The following TBC1D22A variants were observed in gnomAD, a reference collection of about 807,000 sequenced individuals.
The protein encoded by TBC1D22A is TBC1 domain family member 22A.
A neutral mutation model predicts 60.2 loss-of-function variants in TBC1D22A; 38 were observed. The ratio of observed to expected loss-of-function variants is 0.63; its 90% CI spans 0.49 to 0.83. The LOEUF (loss-of-function observed/expected upper bound fraction) is 0.83. Among genes scored for constraint, TBC1D22A ranks in the 40% least tolerant of loss-of-function variants. TBC1D22A has a pLI of 0.00. For synonymous variants in TBC1D22A, 302 were observed against 281.7 expected (o/e 1.07, Z -0.72); for missense variants, 628 against 701.0 (o/e 0.90, Z 1.18).
intron 8 of TBC1D22A, chr22:46,913,294 GA>G: frequency 7.4e-7 from 1 of 1,351,486 alleles, no homozygotes. Context: ...AAGCCTTCTG[GA>G]CTTGGTGCTC....
intron 7 of TBC1D22A, among the ~76,000 whole-genome samples, chr22:46,908,890 G>A (rs2069685055): frequency 6.6e-6 from 1 of 152,168 alleles, no homozygotes; most frequent in African/African-American, 2.4e-5. Context: ...CCGAGGCTGT[G>A]CTCAGGCAGA....
chr22:47,147,920 A>C (rs2067346615), intron 12 of TBC1D22A, among the ~76,000 whole-genome samples: 2 of 152,130 alleles, frequency 1.3e-5, no homozygotes, highest in African/African-American at 4.8e-5. Context: ...GCTTGGCATG[A>C]AGCTGGGACC....
At chr22:46,853,820 C>T (rs930581763) in intron 4 of TBC1D22A, among the ~76,000 whole-genome samples, 1 of 152,166 alleles carries the variant, frequency 6.6e-6, no homozygotes, top group African/African-American at 2.4e-5. Context: ...GCAGTGAGCA[C>T]GTGGCTGGTC....
At chr22:47,081,111 A>C (rs2064447940) in intron 11 of TBC1D22A, among the ~76,000 whole-genome samples, 1 of 125,020 alleles carries the variant, frequency 8.0e-6, no homozygotes. Flanking sequence ...CAAGAGCGAA[A>C]CTCCGTCTCA....
chr22:46,832,067 G>A (rs973510277), intron 4 of TBC1D22A, among the ~76,000 whole-genome samples: 1 of 152,140 alleles, frequency 6.6e-6, no homozygotes, highest in African/African-American at 2.4e-5. Context: ...TGTTTTTTGA[G>A]TCAACTTCTC....
At chr22:46,915,256 C>T (rs2070274520) in intron 8 of TBC1D22A, 1 of 387,038 alleles carries the variant, frequency 2.6e-6, no homozygotes. Context: ...CCCGCAGGGT[C>T]CAGCACCGGC....
In TBC1D22A at chr22:46,856,039, C is replaced by G. The variant is rs150425274; in HGVS notation, c.638-22614C>G. On this transcript the variant is annotated intron_variant, in intron 4 of 12. Transcript: ENST00000337137. ...CAGAAGGAAAGTGGACAGAGGGAGT[C>G]CCTCGGCAGTGCTGAGAGGCTGCCC... 1.1e-3 allele frequency among the ~76,000 whole-genome samples: 174 copies of G among 152,274 alleles called. 1 individual carries two copies. Among genetic ancestry groups the G allele is most frequent in the Middle Eastern group, 3.4e-3 (1 of 294 alleles).
chr22:47,162,240 C>A (rs1472532658), intron 12 of TBC1D22A, among the ~76,000 whole-genome samples: 1 of 150,116 alleles, frequency 6.7e-6, no homozygotes, highest in Non-Finnish European at 1.5e-5. Context: ...ATTGAACTTA[C>A]CGGTCTTGTA....
At position 46,819,120 on chromosome 22, in the gene TBC1D22A, C is replaced by T. The variant is rs994358328; in HGVS notation, c.637+21500C>T. ...CTTTGCTGAAGTTGCTTATCAGTTTCAGAAGTTTTTGGGCTGAGCTGATGG... is the reference window on the plus strand; with the variant it reads ...CTTTGCTGAAGTTGCTTATCAGTTTTAGAAGTTTTTGGGCTGAGCTGATGG... On this transcript the variant is annotated intron_variant, in intron 4 of 12. Coordinates refer to ENST00000337137, the MANE Select transcript of TBC1D22A (RefSeq NM_014346.5). 1.6e-4 allele frequency among the ~76,000 whole-genome samples: 24 copies of T among 152,240 alleles called. 1 individual carries two copies. Among genetic ancestry groups the T allele is most frequent in the Non-Finnish European group, 3.1e-4 (21 of 68,004 alleles).
At chr22:46,964,044 A>G (rs759706542) in intron 8 of TBC1D22A, among the ~76,000 whole-genome samples, 9 of 152,288 alleles carry the variant, frequency 5.9e-5, no homozygotes, top group South Asian at 4.1e-4. Context: ...GCTGCCTGTT[A>G]GTGTGAGGGC....
At chr22:47,048,779 G>A (rs1386934176) in intron 11 of TBC1D22A, among the ~76,000 whole-genome samples, 1 of 152,138 alleles carries the variant, frequency 6.6e-6, no homozygotes, top group African/African-American at 2.4e-5. Flanking sequence ...GGGGGAGGTG[G>A]GGCACCTGCC....
chr22:47,017,924 G>A (rs760874788), intron 10 of TBC1D22A, among the ~76,000 whole-genome samples: 1 of 152,226 alleles, frequency 6.6e-6, no homozygotes, highest in South Asian at 2.1e-4. Flanking sequence ...TGGTAGCCGC[G>A]AACGTCCCTT....
intron 7 of TBC1D22A, among the ~76,000 whole-genome samples, chr22:46,907,161 C>T (rs544390528): frequency 1.3e-4 from 20 of 152,218 alleles, no homozygotes; most frequent in Non-Finnish European, 2.1e-4. Context: ...TGTTCTTCTC[C>T]GTGTGTGCAC....
intron 11 of TBC1D22A, among the ~76,000 whole-genome samples, chr22:47,069,418 G>A (rs1305124503): frequency 1.3e-5 from 2 of 152,174 alleles, no homozygotes; most frequent in South Asian, 2.1e-4. Flanking sequence ...GAATCTTAAC[G>A]GAACGTGCTT....
intron 10 of TBC1D22A, among the ~76,000 whole-genome samples, chr22:47,000,270 G>C (rs2075268899): frequency 6.6e-6 from 1 of 152,148 alleles, no homozygotes; most frequent in Non-Finnish European, 1.5e-5. Flanking sequence ...AGCGAGCAGA[G>C]AGCTGGAGGA....
chr22:46,827,192 GC>G, intron 4 of TBC1D22A, among the ~76,000 whole-genome samples: 1 of 152,102 alleles, frequency 6.6e-6, no homozygotes, highest in Non-Finnish European at 1.5e-5. Context: ...GTCCCATGGC[GC>G]CCCCTGCCTG....
rs1395290004 is a variant in TBC1D22A, at chr22:47,028,383, C to T, written c.1202-8688C>T. On this transcript the variant is annotated intron_variant, in intron 10 of 12. Transcript: ENST00000337137. The surrounding 1 kb of genome is among the most constrained non-coding windows in gnomAD (Gnocchi z 4.4). ...GTTCTGAGAGTGAGTGGTCGCATTC[C>T]TGTCCCTCGGTCCCTGTCCCCCACG... Among the ~76,000 whole-genome samples the T allele has an allele frequency of 6.9e-6, 1 of 144,292 alleles. No homozygotes were observed. Among genetic ancestry groups the T allele is most frequent in the African/African-American group, 2.6e-5 (1 of 37,776 alleles). The allele number at this position is 144,292 out of a possible 152,430, so 94.7% of individuals were successfully genotyped here. A position where few individuals can be genotyped will look rare whatever the true frequency, so the allele number is the denominator to read the frequency against.
intron 7 of TBC1D22A, among the ~76,000 whole-genome samples, chr22:46,909,409 CCT>C (rs2069737207): frequency 6.6e-6 from 1 of 152,036 alleles, no homozygotes; most frequent in South Asian, 2.1e-4. Context: ...GGTGCGTGCT[CCT>C]GGGGCGCTGC....
intron 8 of TBC1D22A, chr22:46,915,271 G>T (rs2070275988): frequency 2.5e-6 from 1 of 395,014 alleles, no homozygotes; most frequent in Non-Finnish European, 5.1e-6. Flanking sequence ...ACCGGCAGAG[G>T]CACGGGTGCC....
Sources: allele counts gnomAD v4.1 joint callset (sites outside exome capture counted in the v4.1 genomes callset), GRCh38; gene constraint gnomAD v4.1.1; non-coding constraint Gnocchi (gnomAD v3.1); transcripts MANE v1.5; gene names NCBI Gene and HGNC (gene_info 2026-07-23, HGNC 2026-07-21).